Variants in ROBO2 observed in about 807,000 individuals in gnomAD.
The protein encoded by ROBO2 is roundabout guidance receptor 2, also known as roundabout homolog 2.
In ROBO2, 53 loss-of-function variants were observed where a neutral mutation model predicts 160.8. That is an observed-to-expected ratio of 0.33 (90% CI 0.26 to 0.41). ROBO2 has a LOEUF of 0.41. Among genes scored for constraint, ROBO2 ranks in the 10% least tolerant of loss-of-function variants. The pLI, the probability that ROBO2 is intolerant of heterozygous loss-of-function variation, is 1.00. For missense variants in ROBO2, 1,577 were observed against 1,722.4 expected (o/e 0.92, Z 1.49); for synonymous variants, 664 against 611.7 (o/e 1.09, Z -1.26).
chr3:77,316,267 G>C (rs1363894701), intron 2 of ROBO2, among the ~76,000 whole-genome samples: 2 of 152,122 alleles, frequency 1.3e-5, no homozygotes, highest in Non-Finnish European at 2.9e-5. Context: ...AGACCATTTG[G>C]TGTAAAAGAG....
At chr3:76,885,541 C>A (rs755566304) in intron 2 of ROBO2, among the ~76,000 whole-genome samples, 14 of 152,050 alleles carry the variant, frequency 9.2e-5, no homozygotes, top group Non-Finnish European at 1.6e-4. Context: ...TGAAACTATT[C>A]CAGGATGTGT....
intron 2 of ROBO2, among the ~76,000 whole-genome samples, chr3:76,892,793 C>A (rs2074450403): frequency 6.6e-6 from 1 of 152,206 alleles, no homozygotes; most frequent in Non-Finnish European, 1.5e-5. Context: ...CTAGCCAATT[C>A]ACTTTCTCTC....
At chr3:77,308,991 G>A (rs2063322778) in intron 2 of ROBO2, among the ~76,000 whole-genome samples, 1 of 151,560 alleles carries the variant, frequency 6.6e-6, no homozygotes, top group Admixed American at 6.6e-5. Flanking sequence ...AATGAACATT[G>A]GATTCTAATT....
At chr3:77,385,015 G>A (rs1446645050) in intron 2 of ROBO2, among the ~76,000 whole-genome samples, 1 of 151,982 alleles carries the variant, frequency 6.6e-6, no homozygotes, top group Non-Finnish European at 1.5e-5. Context: ...AGGGTTTTTT[G>A]TTTGTTTGTT....
chr3:76,109,618 G>C (rs1559558879), intron 2 of ROBO2, among the ~76,000 whole-genome samples: 1 of 151,872 alleles, frequency 6.6e-6, no homozygotes, highest in African/African-American at 2.4e-5. Flanking sequence ...CTTTACTCTG[G>C]TGCTGTTCCC....
At chr3:76,000,425 C>T (rs1468035113) in intron 2 of ROBO2, among the ~76,000 whole-genome samples, 7 of 151,790 alleles carry the variant, frequency 4.6e-5, no homozygotes, top group Non-Finnish European at 1.0e-4. Context: ...AGTAACCACA[C>T]TATGAGTCAG....
At chr3:77,358,255 T>C (rs1257848373) in intron 2 of ROBO2, among the ~76,000 whole-genome samples, 1 of 152,188 alleles carries the variant, frequency 6.6e-6, no homozygotes, top group Non-Finnish European at 1.5e-5. Flanking sequence ...TGGTGGTGGC[T>C]GTCAATCCTT....
chr3:76,937,925 T>C (rs1322841569), intron 2 of ROBO2, among the ~76,000 whole-genome samples: 1 of 152,228 alleles, frequency 6.6e-6, no homozygotes, highest in Non-Finnish European at 1.5e-5. Context: ...TATCTTGTTC[T>C]GTTTGGAATA....
intron 2 of ROBO2, among the ~76,000 whole-genome samples, chr3:76,304,754 CTTTCTTTCTTTCTTTCT>C (rs1559737184): frequency 3.9e-5 from 5 of 129,838 alleles, no homozygotes; most frequent in Non-Finnish European, 6.3e-5. Flanking sequence ...TTCCTTCTTT[CTTTCTTTCTTTCTTTCT>C]TTCTTTCTTT....
intron 2 of ROBO2, among the ~76,000 whole-genome samples, chr3:76,137,314 A>G (rs2071465928): frequency 6.6e-6 from 1 of 152,132 alleles, no homozygotes; most frequent in South Asian, 2.1e-4. Context: ...TGGTATTTCC[A>G]TTTACAAAAT....
At chr3:77,191,262 A>G (rs964066799) in intron 2 of ROBO2, among the ~76,000 whole-genome samples, 1 of 152,134 alleles carries the variant, frequency 6.6e-6, no homozygotes, top group Non-Finnish European at 1.5e-5. Context: ...TCGGTATTGT[A>G]AGTTTACCAT....
chr3:77,329,477 A>C (rs1489737906), intron 2 of ROBO2, among the ~76,000 whole-genome samples: 1 of 152,206 alleles, frequency 6.6e-6, no homozygotes, highest in East Asian at 1.9e-4. Context: ...AATAACCTTC[A>C]CATTAAGAGT....
intron 2 of ROBO2, among the ~76,000 whole-genome samples, chr3:76,489,524 T>C (rs888485832): frequency 5.3e-5 from 8 of 152,134 alleles, no homozygotes; most frequent in Non-Finnish European, 1.2e-4. Flanking sequence ...AATTTTGTGG[T>C]TCCAAAGTGA....
intron 2 of ROBO2, among the ~76,000 whole-genome samples, chr3:76,794,740 A>G (rs2108770281): frequency 6.6e-6 from 1 of 152,188 alleles, no homozygotes; most frequent in South Asian, 2.1e-4. Flanking sequence ...TAAAATAAAG[A>G]TAATGCCCTC....
intron 2 of ROBO2, among the ~76,000 whole-genome samples, chr3:76,788,716 C>G (rs1302249814): frequency 1.3e-5 from 2 of 151,458 alleles, no homozygotes; most frequent in African/African-American, 4.8e-5. Flanking sequence ...TATTCTTTAT[C>G]TGAACCTCTT....
chr3:77,600,194 G>A (rs945442003), intron 19 of ROBO2, among the ~76,000 whole-genome samples: 1 of 152,184 alleles, frequency 6.6e-6, no homozygotes, highest in African/African-American at 2.4e-5. Context: ...TTGGGAGGAA[G>A]GCTAGCCCAG....
rs2083564448 is a variant in ROBO2, at chr3:77,207,315, G to A, written c.388+108975G>A. 2.6e-5 allele frequency among the ~76,000 whole-genome samples: 4 copies of A among 152,010 alleles called. No individual in the cohort carries two copies. The South Asian group carries it at 8.3e-4, about 32-fold the overall frequency. On this transcript the variant is annotated intron_variant, in intron 2 of 25. Coordinates refer to ENST00000461745, the Ensembl canonical transcript of ROBO2. Reference sequence around the variant, plus strand: ...TTTAGTTAGAATCATTCTAAAATAGGATAAACTTTATATGATACCAAAAAT... The same window carrying A: ...TTTAGTTAGAATCATTCTAAAATAGAATAAACTTTATATGATACCAAAAAT...
chr3:77,039,968 C>T, exon 1 of ROBO2: 1 of 392,168 alleles, frequency 2.5e-6, no homozygotes, highest in Non-Finnish European at 3.5e-6. Flanking sequence ...ACGCCCGTCT[C>T]TGCTCGCGCC....
intron 2 of ROBO2, among the ~76,000 whole-genome samples, chr3:76,618,191 T>A (rs1256405527): frequency 6.6e-6 from 1 of 151,618 alleles, no homozygotes; most frequent in African/African-American, 2.4e-5. Context: ...AATAACAATA[T>A]CTGTCCCTAG....
Sources: allele counts gnomAD v4.1 joint callset (sites outside exome capture counted in the v4.1 genomes callset), GRCh38; gene constraint gnomAD v4.1.1; transcripts MANE v1.5; gene names NCBI Gene and HGNC (gene_info 2026-07-23, HGNC 2026-07-21).